Variants in BIRC6 observed in about 807,000 individuals in gnomAD.
The protein encoded by BIRC6 is baculoviral IAP repeat containing 6.
BIRC6 carries 98 observed loss-of-function variants against 503.3 expected under a neutral mutation model. The ratio of observed to expected loss-of-function variants is 0.19; its 90% CI spans 0.17 to 0.23. BIRC6 has a LOEUF of 0.23. Among genes scored for constraint, BIRC6 ranks in the 10% least tolerant of loss-of-function variants. The pLI, the probability that BIRC6 is intolerant of heterozygous loss-of-function variation, is 1.00. For missense variants in BIRC6, 5,360 were observed against 5,806.0 expected (o/e 0.92, Z 2.50); for synonymous variants, 2,240 against 2,078.7 (o/e 1.08, Z -2.11).
At chr2:32,572,875 CTCTA>C (rs1267044732) in intron 65 of BIRC6, among the ~76,000 whole-genome samples, 1 of 152,164 alleles carries the variant, frequency 6.6e-6, no homozygotes, top group African/African-American at 2.4e-5. Context: ...CTCTGATAGT[CTCTA>C]TTTTACATCA....
At chr2:32,511,292 ATTGATACCAAC>A in intron 53 of BIRC6, among the ~76,000 whole-genome samples, 1 of 129,696 alleles carries the variant, frequency 7.7e-6, no homozygotes, top group Non-Finnish European at 1.6e-5. Context: ...CTACTTCCAA[ATTGATACCAAC>A]TTGAATTTTT....
chr2:32,583,256 G>A (rs2060805775), intron 66 of BIRC6, among the ~76,000 whole-genome samples: 1 of 152,206 alleles, frequency 6.6e-6, no homozygotes, highest in African/African-American at 2.4e-5. Flanking sequence ...TTAGGCAGTT[G>A]TTGGGTATTC....
intron 71 of BIRC6, among the ~76,000 whole-genome samples, chr2:32,606,463 C>G (rs555847940): frequency 6.6e-6 from 1 of 151,864 alleles, no homozygotes; most frequent in African/African-American, 2.4e-5. Flanking sequence ...CTTGGTGATG[C>G]ACGCCTATAG....
chr2:32,414,058 G>A (rs1322749109), intron 9 of BIRC6, among the ~76,000 whole-genome samples: 1 of 152,130 alleles, frequency 6.6e-6, no homozygotes, highest in African/African-American at 2.4e-5. Context: ...TTGAGAGGCC[G>A]AGGCGGGTGG....
At chr2:32,409,285 G>T (rs544298234) in intron 9 of BIRC6, among the ~76,000 whole-genome samples, 2 of 151,796 alleles carry the variant, frequency 1.3e-5, no homozygotes, top group East Asian at 3.9e-4. Flanking sequence ...TCAGCCTCCC[G>T]AGTAGCTGGG....
At chr2:32,487,296 T>C (rs917482874) in intron 40 of BIRC6, among the ~76,000 whole-genome samples, 17 of 152,210 alleles carry the variant, frequency 1.1e-4, no homozygotes, top group African/African-American at 4.1e-4. Context: ...TAGATTATTC[T>C]AAAACTACCT....
intron 69 of BIRC6, 42 bp downstream of exon 69, chr2:32,598,010 G>C: frequency 6.7e-7 from 1 of 1,481,866 alleles, no homozygotes; most frequent in Admixed American, 1.9e-5. Context: ...TTATCTCCTT[G>C]GCTCATCTAA....
intron 57 of BIRC6, among the ~76,000 whole-genome samples, chr2:32,521,209 ATAAG>A (rs777808668): frequency 1.6e-4 from 24 of 151,816 alleles, no homozygotes; most frequent in Non-Finnish European, 3.1e-4. Context: ...ATGTATAAGA[ATAAG>A]TAATTCAGAA....
At chr2:32,614,112 A>G (rs754029557) in intron 73 of BIRC6, among the ~76,000 whole-genome samples, 11 of 152,190 alleles carry the variant, frequency 7.2e-5, no homozygotes, top group Non-Finnish European at 1.5e-4. Flanking sequence ...TTGATTTTAA[A>G]CCATTTTTCT....
At chr2:32,414,656 G>T (rs1384154569) in intron 9 of BIRC6, 113 bp from the exon 10 acceptor site, 11 of 867,480 alleles carry the variant, frequency 1.3e-5, no homozygotes, top group East Asian at 3.2e-5. Flanking sequence ...GACAGAGCAA[G>T]AATTTGTCTC....
Position 32,435,529 on chromosome 2 carries a change from C to G in BIRC6, c.3443C>G (p.Pro1148Arg). The stretch of plus-strand genomic sequence containing the variant: ...ATTGAAGTGGAACAAAATGGGAAAC[C>G]GTCCCTGGTTGATTTGAATGAAGAA... ...LNIEVEQNGK[P>R]SLVDLNEEMQ... The change falls in exon 14 of 74, where the codon CCG becomes CGG. Residue 1148 changes from proline to arginine, a missense_variant. Pro to Arg is a moderately radical substitution (Grantham distance 103). Transcript: ENST00000421745. The G allele has an allele frequency of 6.4e-7, 1 of 1,554,564 alleles. No individual in the cohort carries two copies. The highest frequency in any genetic ancestry group is 8.7e-7 in the Non-Finnish European group (1 of 1,148,048).
intron 61 of BIRC6, among the ~76,000 whole-genome samples, chr2:32,536,605 C>A (rs1359365358): frequency 6.6e-6 from 1 of 152,112 alleles, no homozygotes; most frequent in Non-Finnish European, 1.5e-5. Context: ...TGTCAAAGAT[C>A]AGATGGTTGT....
chr2:32,384,652 T>G (rs2038184429), intron 3 of BIRC6, among the ~76,000 whole-genome samples: 1 of 152,156 alleles, frequency 6.6e-6, no homozygotes, highest in Non-Finnish European at 1.5e-5. Flanking sequence ...CCACCCAACT[T>G]TGGTAACTGT....
In BIRC6 at chr2:32,419,638, ATAAAG is replaced by A. The variant is rs150553091; in HGVS notation, c.2872+3477_2872+3481del. On this transcript the variant is annotated intron_variant, in intron 10 of 73. Coordinates refer to ENST00000421745, the MANE Select transcript of BIRC6 (RefSeq NM_016252.4). The stretch of plus-strand genomic sequence containing the variant: ...ATACTTGACAAAAAATGCTTAAAAA[ATAAAG>A]TTTTTTAAAAGGCCGCAATTAATAG... 5.9e-3 allele frequency among the ~76,000 whole-genome samples: 900 copies of A among 152,322 alleles called. 16 individuals carry two copies. The highest frequency in any genetic ancestry group is 0.021 in the African/African-American group (876 of 41,586).
intron 66 of BIRC6, among the ~76,000 whole-genome samples, chr2:32,589,890 T>G (rs1027645167): frequency 6.6e-6 from 1 of 152,222 alleles, no homozygotes; most frequent in Non-Finnish European, 1.5e-5. Context: ...TAAAGGCTTC[T>G]TATAACTATT....
At chr2:32,559,212 A>C (rs2058987569) in intron 65 of BIRC6, among the ~76,000 whole-genome samples, 1 of 152,246 alleles carries the variant, frequency 6.6e-6, no homozygotes, top group Non-Finnish European at 1.5e-5. Flanking sequence ...GATAGTCTTC[A>C]AGCTATGCAT....
chr2:32,360,194 G>T (rs534932880), intron 1 of BIRC6, among the ~76,000 whole-genome samples: 1 of 152,238 alleles, frequency 6.6e-6, no homozygotes, highest in African/African-American at 2.4e-5. Context: ...GGACGCCTGG[G>T]GTTCAGTTTA....
At chr2:32,447,511 G>A (rs1262555874) in intron 21 of BIRC6, among the ~76,000 whole-genome samples, 8 of 132,952 alleles carry the variant, frequency 6.0e-5, no homozygotes, top group African/African-American at 2.1e-4. Context: ...GGACGGGGCG[G>A]CTGGCCGGGC....
chr2:32,463,586 G>A (rs1275003407), intron 24 of BIRC6, among the ~76,000 whole-genome samples: 1 of 152,152 alleles, frequency 6.6e-6, no homozygotes, highest in Non-Finnish European at 1.5e-5. Context: ...ACATATTTGA[G>A]GGAATATGAT....
Sources: allele counts gnomAD v4.1 joint callset (sites outside exome capture counted in the v4.1 genomes callset), GRCh38; gene constraint gnomAD v4.1.1; transcripts MANE v1.5; gene names NCBI Gene and HGNC (gene_info 2026-07-23, HGNC 2026-07-21).